Variants in EXD2 observed in about 807,000 individuals in gnomAD.
The protein encoded by EXD2 is exonuclease 3'-5' domain-containing protein 2.
Under a neutral mutation model 62.5 loss-of-function variants are expected in EXD2, and 40 were observed. That is an observed-to-expected ratio of 0.64 (90% CI 0.50 to 0.83). The LOEUF is 0.83. EXD2 is among the 40% of genes least tolerant of loss of function. The probability of loss-of-function intolerance (pLI) is 0.00; values close to 1 mark genes in which losing one functional copy is unlikely to be tolerated. For missense variants in EXD2, 671 were observed against 761.8 expected (o/e 0.88, Z 1.40); for synonymous variants, 239 against 291.9 (o/e 0.82, Z 1.85).
chr14:69,204,380 G>A (rs568394778), intron 2 of EXD2, among the ~76,000 whole-genome samples: 2 of 152,138 alleles, frequency 1.3e-5, no homozygotes, highest in East Asian at 3.9e-4. Context: ...GACCAGCCTG[G>A]GCAATATAGT....
At chr14:69,230,337 A>G (rs1169941816) in intron 4 of EXD2, 135 bp from the exon 5 acceptor site, 1 of 601,594 alleles carries the variant, frequency 1.7e-6, no homozygotes, top group South Asian at 2.2e-5. Context: ...ATAGATAACA[A>G]ATTATCATTT....
At chr14:69,229,395 T>G (rs912932873) in intron 4 of EXD2, among the ~76,000 whole-genome samples, 1 of 152,222 alleles carries the variant, frequency 6.6e-6, no homozygotes, top group Non-Finnish European at 1.5e-5. Context: ...GAATTTTTGT[T>G]TAAATCAAGA....
intron 7 of EXD2, 127 bp downstream of exon 7, chr14:69,236,279 G>T: frequency 6.5e-7 from 1 of 1,541,562 alleles, no homozygotes; most frequent in South Asian, 1.1e-5. Context: ...CATGGGACTG[G>T]GTAGGCACAA....
At chr14:69,202,549 C>T (rs1489296998) in intron 1 of EXD2, among the ~76,000 whole-genome samples, 7 of 152,118 alleles carry the variant, frequency 4.6e-5, no homozygotes, top group Non-Finnish European at 7.4e-5. Context: ...TTGTGCCTTT[C>T]GACTCTTTTT....
chr14:69,234,600 T>G, intron 5 of EXD2, 100 bp from the exon 6 acceptor site: 2 of 986,930 alleles, frequency 2.0e-6, no homozygotes, highest in Non-Finnish European at 3.0e-6. Context: ...ACATTTTGAA[T>G]TAGGATCCTA....
At chr14:69,237,188 G>C (rs913490108) in intron 8 of EXD2, among the ~76,000 whole-genome samples, 5 of 152,220 alleles carry the variant, frequency 3.3e-5, no homozygotes, top group African/African-American at 9.6e-5. Context: ...GAAGGAAATT[G>C]GCTTTTTCAG....
chr14:69,208,168 G>A (rs1254601214), intron 2 of EXD2, among the ~76,000 whole-genome samples: 3 of 149,590 alleles, frequency 2.0e-5, no homozygotes, highest in Non-Finnish European at 4.4e-5. Context: ...AAAGTCCTGG[G>A]ATTACAGGCA....
chr14:69,201,972 G>A (rs909186153), intron 1 of EXD2, among the ~76,000 whole-genome samples: 4 of 151,862 alleles, frequency 2.6e-5, no homozygotes, highest in South Asian at 2.1e-4. Context: ...GTGAGCCACC[G>A]CACTCAGCCA....
intron 5 of EXD2, among the ~76,000 whole-genome samples, chr14:69,234,157 G>A (rs2043688176): frequency 6.6e-6 from 1 of 152,072 alleles, no homozygotes; most frequent in Non-Finnish European, 1.5e-5. Flanking sequence ...CCAGGAATGG[G>A]CCCTGTGACT....
intron 3 of EXD2, 36 bp downstream of exon 3, chr14:69,209,839 A>C (rs954892447): frequency 1.1e-5 from 16 of 1,418,086 alleles, no homozygotes; most frequent in South Asian, 1.1e-4. Flanking sequence ...AAAAAAAAAA[A>C]AAACAACTTC....
intron 2 of EXD2, among the ~76,000 whole-genome samples, chr14:69,205,086 T>C (rs1182496510): frequency 6.6e-6 from 1 of 152,246 alleles, no homozygotes; most frequent in African/African-American, 2.4e-5. Flanking sequence ...AGATTTAATT[T>C]ATCCAGCTTG....
chr14:69,236,300 A>T (rs1461969443), intron 7 of EXD2, 107 bp from the exon 8 acceptor site: 1 of 1,580,826 alleles, frequency 6.3e-7, no homozygotes, highest in East Asian at 2.2e-5. Flanking sequence ...CCCAGAAATC[A>T]TGTTCTCTGC....
At chr14:69,200,815 T>C (rs544683257) in intron 1 of EXD2, among the ~76,000 whole-genome samples, 54 of 152,188 alleles carry the variant, frequency 3.5e-4, no homozygotes, top group African/African-American at 1.1e-3. Flanking sequence ...GGCTCACGCC[T>C]GTAATCTCAG....
At chr14:69,232,738 A>G (rs1426067724) in intron 5 of EXD2, among the ~76,000 whole-genome samples, 1 of 152,064 alleles carries the variant, frequency 6.6e-6, no homozygotes, top group Non-Finnish European at 1.5e-5. Flanking sequence ...CCATGTTTTA[A>G]TTGGGTCATT....
At position 69,241,644 on chromosome 14, in the gene EXD2, C is replaced by T. The variant is rs2043986779; in HGVS notation, c.*544C>T. ...TCCCGTAACTCATGTGGTTGGGATCCATCCCATCTGGGTCACTTCAGTCTA... is the reference window on the plus strand; with the variant it reads ...TCCCGTAACTCATGTGGTTGGGATCTATCCCATCTGGGTCACTTCAGTCTA... On this transcript the variant is annotated 3_prime_UTR_variant, in exon 10 of 10. Coordinates refer to ENST00000685843, the MANE Select transcript of EXD2 (RefSeq NM_001193360.2). The T allele has an allele frequency of 2.6e-6, 1 of 388,216 alleles. No homozygotes were observed. Among genetic ancestry groups the T allele is most frequent in the South Asian group, 1.4e-4 (1 of 7,008 alleles). The allele number at this position is 388,216 out of a possible 1,614,324, so 24.0% of individuals were successfully genotyped here.
chr14:69,209,944 A>G, intron 3 of EXD2, 141 bp downstream of exon 3: 1 of 660,914 alleles, frequency 1.5e-6, no homozygotes, highest in Non-Finnish European at 2.4e-6. Context: ...AGCAGATTTT[A>G]GCAGAAGAAG....
intron 1 of EXD2, among the ~76,000 whole-genome samples, chr14:69,200,174 T>C (rs764684983): frequency 2.0e-5 from 3 of 152,212 alleles, no homozygotes; most frequent in Non-Finnish European, 4.4e-5. Flanking sequence ...AGCACATGAC[T>C]ATATTGAACC....
chr14:69,208,044 G>A (rs1209754727), intron 2 of EXD2, among the ~76,000 whole-genome samples: 4 of 151,532 alleles, frequency 2.6e-5, no homozygotes, highest in Non-Finnish European at 5.9e-5. Context: ...GATTACAGGT[G>A]CCCACCACCA....
intron 2 of EXD2, among the ~76,000 whole-genome samples, chr14:69,204,569 T>G (rs1027706916): frequency 6.6e-6 from 1 of 152,044 alleles, no homozygotes; most frequent in African/African-American, 2.4e-5. Flanking sequence ...AAAAAAAAGT[T>G]TTATGTTCAG....
Sources: gnomAD v4.1 joint callset for allele counts (sites outside exome capture counted in the v4.1 genomes callset) on GRCh38, gnomAD v4.1.1 for gene constraint, MANE v1.5 for transcripts, NCBI Gene and HGNC (gene_info 2026-07-23, HGNC 2026-07-21) for gene names.